Variants in SLC22A15 observed in about 807,000 individuals in gnomAD.
The protein encoded by SLC22A15 is solute carrier family 22 member 15.
Under a neutral mutation model 62.7 loss-of-function variants are expected in SLC22A15, and 45 were observed. The observed-to-expected ratio is 0.72, with a 90% CI of 0.56 to 0.92. The LOEUF is 0.92. SLC22A15 is among the 40% of genes least tolerant of loss of function. SLC22A15 has a pLI of 0.00. For synonymous variants in SLC22A15, 264 were observed against 267.0 expected, an observed-to-expected ratio of 0.99 and a Z score of 0.11; for missense variants, 622 against 665.6, an observed-to-expected ratio of 0.93 and a Z score of 0.72.
At chr1:116,044,366 G>A (rs1277667140) in intron 8 of SLC22A15, among the ~76,000 whole-genome samples, 7 of 152,224 alleles carry the variant, frequency 4.6e-5, no homozygotes, top group East Asian at 1.9e-4. Flanking sequence ...TTGGGAGGCC[G>A]AGGCAGGCGG....
intron 8 of SLC22A15, among the ~76,000 whole-genome samples, chr1:116,055,743 G>T (rs2101548651): frequency 6.7e-6 from 1 of 149,362 alleles, no homozygotes; most frequent in South Asian, 2.1e-4. Flanking sequence ...ATGCAAGGCT[G>T]GTTCAATATA....
intron 2 of SLC22A15, among the ~76,000 whole-genome samples, chr1:115,993,843 C>T (rs905890363): frequency 1.3e-5 from 2 of 152,050 alleles, no homozygotes; most frequent in Non-Finnish European, 2.9e-5. Flanking sequence ...CTTTACCCTG[C>T]TCTCACCCCT....
intron 8 of SLC22A15, among the ~76,000 whole-genome samples, chr1:116,052,493 C>T (rs1034630489): frequency 1.3e-5 from 2 of 152,234 alleles, no homozygotes; most frequent in African/African-American, 4.8e-5. Flanking sequence ...AAAAAGACAG[C>T]AGCAACCTCT....
chr1:116,037,342 A>T lies in SLC22A15; in HGVS notation c.1125A>T (p.Leu375=). The part of the protein sequence containing the change: ...RKRTLSAFLC[L]GGLACLIVMF... ...GAACATTATCAGCATTTCTGTGCCT[A>T]GGAGGACTGGCTTGTCTTATTGTAA... The change falls in exon 8 of 12, where the codon CTA becomes CTT. Residue 375 remains leucine (L), a synonymous_variant. Transcript: ENST00000369503. 1 of 1,613,464 alleles carries T rather than the reference A, an allele frequency of 6.2e-7. No individual in the cohort carries two copies. Among genetic ancestry groups the T allele is most frequent in the Non-Finnish European group, 8.5e-7 (1 of 1,179,508 alleles).
chr1:116,057,446 T>G (rs1166349235), intron 8 of SLC22A15, among the ~76,000 whole-genome samples: 1 of 152,146 alleles, frequency 6.6e-6, no homozygotes, highest in African/African-American at 2.4e-5. Context: ...GGAACACTTT[T>G]ACACTGTTGG....
At position 116,020,896 on chromosome 1, in the gene SLC22A15, A is replaced by C. The variant is rs758566086; in HGVS notation, c.598+11A>C. The C allele has an allele frequency of 5.4e-5, 87 of 1,609,848 alleles. No individual in the cohort carries two copies. The highest frequency in any genetic ancestry group is 7.1e-5 in the Non-Finnish European group (84 of 1,177,886). On this transcript the variant is annotated intron_variant, in intron 4 of 11. Coordinates refer to ENST00000369503, the MANE Select transcript of SLC22A15 (RefSeq NM_018420.3). ...ACTGGGCACTTGCAGGTACTACTTAAATCATGCAGCTCTGGACTGGGTGAG... is the reference window on the plus strand; with the variant it reads ...ACTGGGCACTTGCAGGTACTACTTACATCATGCAGCTCTGGACTGGGTGAG...
Position 116,066,699 on chromosome 1 carries a change from C to T in SLC22A15, c.1545C>T (p.Asp515=), listed in dbSNP as rs780241975. 19 of 1,611,760 alleles carry T rather than the reference C, an allele frequency of 1.2e-5. No individual in the cohort carries two copies. In the East Asian group the frequency reaches 4.2e-4, roughly 36 times the overall value. The change falls in exon 11 of 12, where the codon GAC becomes GAT. Residue 515 remains aspartate (D), a synonymous_variant. Coordinates refer to ENST00000369503, the MANE Select transcript of SLC22A15 (RefSeq NM_018420.3). ...GEEALSLQAL[D]PQQCVDKESS... ...AAGCATTATCTTTACAGGCTTTGGA[C>T]CCCCAACAGGTGTGATATTTTTCTT...
At chr1:116,038,462 T>C (rs796650157) in intron 8 of SLC22A15, among the ~76,000 whole-genome samples, 4 of 152,368 alleles carry the variant, frequency 2.6e-5, no homozygotes, top group African/African-American at 9.6e-5. Context: ...CCCTGAGTTC[T>C]ATACCTTGAG....
Position 116,035,180 on chromosome 1 carries a change from A to T in SLC22A15, c.945-7A>T, listed in dbSNP as rs375213655. The T allele has an allele frequency of 7.5e-6, 12 of 1,608,218 alleles. No homozygotes were observed. The highest frequency in any genetic ancestry group is 2.2e-5 in the South Asian group (2 of 89,884). ...TTACCTCCTGGTCCTTTGACTCCCA[A>T]TTGCAGGTTTGTGTGCAGCTTGGTG... On this transcript the variant is annotated splice_polypyrimidine_tract_variant and splice_region_variant and intron_variant, in intron 6 of 11. Transcript: ENST00000369503.
intron 8 of SLC22A15, among the ~76,000 whole-genome samples, chr1:116,053,218 T>C (rs191135718): frequency 1.3e-5 from 2 of 152,316 alleles, no homozygotes. Flanking sequence ...AAGGAGCTGA[T>C]GGAGCTGAAG....
chr1:116,000,308 A>G (rs942150717), intron 2 of SLC22A15, among the ~76,000 whole-genome samples: 20 of 152,182 alleles, frequency 1.3e-4, no homozygotes, highest in Non-Finnish European at 2.6e-4. Context: ...GACATCTTAT[A>G]ACCCATTATT....
chr1:115,978,229 T>C (rs1358617023), intron 1 of SLC22A15, among the ~76,000 whole-genome samples: 1 of 152,184 alleles, frequency 6.6e-6, no homozygotes, highest in Admixed American at 6.5e-5. Context: ...CACTTCCTGT[T>C]ATCATTTTCT....
At chr1:116,038,303 A>G (rs1042919687) in intron 8 of SLC22A15, among the ~76,000 whole-genome samples, 1 of 152,164 alleles carries the variant, frequency 6.6e-6, no homozygotes, top group African/African-American at 2.4e-5. Flanking sequence ...TGAAGAATTC[A>G]TTTTTTGTCA....
chr1:116,041,705 G>T (rs1657788331), intron 8 of SLC22A15, among the ~76,000 whole-genome samples: 1 of 152,138 alleles, frequency 6.6e-6, no homozygotes, highest in Non-Finnish European at 1.5e-5. Context: ...CAAAATACTG[G>T]AGAGTAGTAA....
chr1:116,048,358 A>T (rs961040026), intron 8 of SLC22A15, among the ~76,000 whole-genome samples: 5 of 152,216 alleles, frequency 3.3e-5, no homozygotes, highest in African/African-American at 1.2e-4. Flanking sequence ...CCCATAAAGG[A>T]AAACTTCTCA....
At chr1:115,995,663 C>G (rs1655386165) in intron 2 of SLC22A15, among the ~76,000 whole-genome samples, 1 of 152,126 alleles carries the variant, frequency 6.6e-6, no homozygotes, top group Non-Finnish European at 1.5e-5. Context: ...TCTCTGTCTG[C>G]CTATTTGCCT....
At chr1:116,035,915 C>G (rs1657617364) in intron 7 of SLC22A15, among the ~76,000 whole-genome samples, 1 of 152,132 alleles carries the variant, frequency 6.6e-6, no homozygotes, top group Non-Finnish European at 1.5e-5. Flanking sequence ...AGTGCCTGAC[C>G]AGGCCACTTA....
intron 5 of SLC22A15, among the ~76,000 whole-genome samples, chr1:116,030,100 T>C (rs1477394694): frequency 6.6e-6 from 1 of 152,208 alleles, no homozygotes; most frequent in Non-Finnish European, 1.5e-5. Flanking sequence ...AAGAAGTAAA[T>C]GGAAGGATTT....
intron 9 of SLC22A15, among the ~76,000 whole-genome samples, chr1:116,063,328 C>T (rs1010861648): frequency 1.3e-5 from 2 of 152,120 alleles, no homozygotes; most frequent in African/African-American, 4.8e-5. Flanking sequence ...CAGAGTTAAA[C>T]AGCAATTGTT....
Sources: gnomAD v4.1 joint callset for allele counts (sites outside exome capture counted in the v4.1 genomes callset) on GRCh38, gnomAD v4.1.1 for gene constraint, MANE v1.5 for transcripts, NCBI Gene and HGNC (gene_info 2026-07-23, HGNC 2026-07-21) for gene names.